The following SNX14 variants were observed in gnomAD, a reference collection of about 807,000 sequenced individuals.
SNX14 encodes sorting nexin 14, also known as sorting nexin-14.
In SNX14, 93 loss-of-function variants were observed where a neutral mutation model predicts 133.8. The observed-to-expected ratio is 0.70, with a 90% confidence interval of 0.59 to 0.83. SNX14 has a LOEUF of 0.83. Among genes scored for constraint, SNX14 ranks in the 40% least tolerant of loss-of-function variants. SNX14 has a pLI of 0.00. For missense variants in SNX14, 945 were observed against 1,094.9 expected (o/e 0.86, Z 1.93); for synonymous variants, 368 against 365.6 (o/e 1.01, Z -0.07).
chr6:85,560,034 G>A (rs775926893), intron 6 of SNX14, among the ~76,000 whole-genome samples: 4 of 152,174 alleles, frequency 2.6e-5, no homozygotes, highest in Admixed American at 6.5e-5. Context: ...CTCATACACT[G>A]CTGATGGGAA....
chr6:85,510,791 T>C (rs1772527363), intron 26 of SNX14, among the ~76,000 whole-genome samples: 1 of 152,226 alleles, frequency 6.6e-6, no homozygotes, highest in Non-Finnish European at 1.5e-5. Flanking sequence ...TGTAAGTCTG[T>C]TCTTTTGCTA....
At chr6:85,521,168 TTAA>T (rs1432701106) in intron 21 of SNX14, among the ~76,000 whole-genome samples, 2 of 152,206 alleles carry the variant, frequency 1.3e-5, no homozygotes, top group African/African-American at 4.8e-5. Flanking sequence ...AGTTTCCCTA[TTAA>T]TAAAATTAGG....
At chr6:85,574,004 T>C (rs1796488187) in intron 2 of SNX14, among the ~76,000 whole-genome samples, 1 of 152,114 alleles carries the variant, frequency 6.6e-6, no homozygotes, top group Non-Finnish European at 1.5e-5. Context: ...ACAAATCTTA[T>C]TTTGAAAATT....
intron 7 of SNX14, among the ~76,000 whole-genome samples, chr6:85,553,382 G>T (rs1279722942): frequency 6.6e-6 from 1 of 152,190 alleles, no homozygotes; most frequent in Non-Finnish European, 1.5e-5. Context: ...GAGCATAAAA[G>T]TCAGAAATCT....
intron 20 of SNX14, among the ~76,000 whole-genome samples, chr6:85,526,898 G>A (rs9450292): frequency 0.46 from 70,364 of 151,796 alleles, 17,707 homozygotes; most frequent in Middle Eastern, 0.59. Context: ...GCAAAACCCC[G>A]TCTGTACTAA....
At chr6:85,517,343 C>T (rs909975540) in intron 23 of SNX14, among the ~76,000 whole-genome samples, 4 of 152,150 alleles carry the variant, frequency 2.6e-5, no homozygotes, top group Non-Finnish European at 4.4e-5. Context: ...GTGCCTAGCA[C>T]TCAATCGTAG....
In SNX14 at chr6:85,528,303, A is replaced by G. The variant is rs770440190; in HGVS notation, c.1954T>C (p.Phe652Leu). The change falls in exon 20 of 29, where the codon TTC (phenylalanine) becomes CTC (leucine). Residue 652 changes from phenylalanine to leucine, a missense_variant. Physicochemically the swap from Phe to Leu is conservative, Grantham distance 22 (BLOSUM62 0). Coordinates refer to ENST00000314673, the MANE Select transcript of SNX14 (RefSeq NM_153816.6). The part of the protein sequence containing the change: ...KRIIGPKNYE[F>L]LKSKREEFQE... Reference sequence around the variant, plus strand: ...AACTCTTCCCTCTTTGACTTTAAGAATTCATAATTTTTGGGGCCAATGATC... The same window carrying G: ...AACTCTTCCCTCTTTGACTTTAAGAGTTCATAATTTTTGGGGCCAATGATC... 6.2e-7 allele frequency: 1 copy of G among 1,613,462 alleles called. No individual in the cohort carries two copies. Among genetic ancestry groups the G allele is most frequent in the Non-Finnish European group, 8.5e-7 (1 of 1,179,666 alleles).
intron 6 of SNX14, among the ~76,000 whole-genome samples, chr6:85,559,180 T>C (rs1790744912): frequency 6.6e-6 from 1 of 152,164 alleles, no homozygotes; most frequent in South Asian, 2.1e-4. Flanking sequence ...CAAATTTTAA[T>C]GATTTGCTGA....
chr6:85,592,336 C>G (rs1422079179), intron 1 of SNX14, among the ~76,000 whole-genome samples: 1 of 152,196 alleles, frequency 6.6e-6, no homozygotes, highest in African/African-American at 2.4e-5. Flanking sequence ...AATGAAGTTA[C>G]CAAATTCCTT....
At chr6:85,551,250 C>G (rs1470838202) in intron 7 of SNX14, among the ~76,000 whole-genome samples, 1 of 152,206 alleles carries the variant, frequency 6.6e-6, no homozygotes, top group East Asian at 1.9e-4. Flanking sequence ...GTTATATACT[C>G]TGTGTTCTCA....
At chr6:85,591,467 C>T (rs1802734808) in intron 1 of SNX14, among the ~76,000 whole-genome samples, 1 of 152,162 alleles carries the variant, frequency 6.6e-6, no homozygotes, top group Non-Finnish European at 1.5e-5. Flanking sequence ...TAAACCCAAC[C>T]ACTCAGGTAA....
intron 4 of SNX14, among the ~76,000 whole-genome samples, chr6:85,570,905 C>T (rs1229230818): frequency 6.6e-6 from 1 of 151,918 alleles, no homozygotes; most frequent in Non-Finnish European, 1.5e-5. Flanking sequence ...CTTACTAAGT[C>T]TTCTTACAAA....
intron 1 of SNX14, among the ~76,000 whole-genome samples, chr6:85,578,188 T>C (rs958377122): frequency 4.6e-5 from 7 of 152,170 alleles, no homozygotes; most frequent in African/African-American, 1.4e-4. Context: ...TTGTTAGGAT[T>C]CAGAATCTAC....
At chr6:85,535,241 C>T (rs1781550503) in intron 17 of SNX14, among the ~76,000 whole-genome samples, 1 of 151,734 alleles carries the variant, frequency 6.6e-6, no homozygotes, top group African/African-American at 2.4e-5. Context: ...TCTTGAACTC[C>T]TTGGCTCAAG....
intron 1 of SNX14, among the ~76,000 whole-genome samples, chr6:85,580,568 A>G (rs1798728360): frequency 6.6e-6 from 1 of 152,100 alleles, no homozygotes; most frequent in Non-Finnish European, 1.5e-5. Context: ...TGGCTCTTAG[A>G]TGCCATTTCT....
rs767991842 is a variant in SNX14, at chr6:85,574,242, G to T, written c.261+16C>A. 3.9e-6 allele frequency: 6 copies of T among 1,554,766 alleles called. No individual in the cohort carries two copies. The African/African-American group carries it at 8.2e-5, about 21-fold the overall frequency. ...CATATACATTGATTCTTAACAATAA[G>T]AACACATAATTTTACCTTGGGTTTG... On this transcript the variant is annotated intron_variant, in intron 2 of 28. Transcript: ENST00000314673.
chr6:85,587,434 T>C (rs1801275031), intron 1 of SNX14, among the ~76,000 whole-genome samples: 1 of 152,150 alleles, frequency 6.6e-6, no homozygotes, highest in African/African-American at 2.4e-5. Context: ...AACAACTATA[T>C]ATTAATACAT....
chr6:85,566,332 T>C (rs1386226743), intron 5 of SNX14, among the ~76,000 whole-genome samples: 1 of 152,018 alleles, frequency 6.6e-6, no homozygotes, highest in African/African-American at 2.4e-5. Context: ...CAGGAAAATA[T>C]GGCATAGAAA....
intron 1 of SNX14, among the ~76,000 whole-genome samples, chr6:85,576,666 G>C (rs1220257870): frequency 1.3e-5 from 2 of 152,122 alleles, no homozygotes; most frequent in Non-Finnish European, 2.9e-5. Flanking sequence ...AATTCAGAGA[G>C]GAGAAAAAGG....
Sources: allele counts gnomAD v4.1 joint callset (sites outside exome capture counted in the v4.1 genomes callset), GRCh38; gene constraint gnomAD v4.1.1; transcripts MANE v1.5; gene names NCBI Gene and HGNC (gene_info 2026-07-23, HGNC 2026-07-21).